Variants in SLC19A1 observed in about 807,000 individuals in gnomAD.
The protein encoded by SLC19A1 is solute carrier family 19 member 1, also known as reduced folate transporter.
SLC19A1 carries 37 observed loss-of-function variants against 35.3 expected under a neutral mutation model. The ratio of observed to expected loss-of-function variants is 1.05; its 90% CI spans 0.81 to 1.38. SLC19A1 has a LOEUF of 1.38. SLC19A1 is among the 40% of genes most tolerant of loss of function. The pLI, the probability that SLC19A1 is intolerant of heterozygous loss-of-function variation, is 0.00. For missense variants in SLC19A1, 831 were observed against 826.9 expected, an observed-to-expected ratio of 1.00 and a Z score of -0.06; for synonymous variants, 460 against 398.5, an observed-to-expected ratio of 1.15 and a Z score of -1.84.
downstream of SLC19A1, chr21:45,510,270 G>C (rs1349645489): frequency 6.3e-7 from 1 of 1,598,200 alleles, no homozygotes; most frequent in South Asian, 1.1e-5. Context: ...AGGTGGGTCA[G>C]TCCAGTCCTG....
chr21:45,537,719 T>TGGGGGGGGCCCCCCCCCC, intron 2 of SLC19A1, 52 bp downstream of exon 2: 5 of 319,776 alleles, frequency 1.6e-5, no homozygotes, highest in Non-Finnish European at 2.8e-5. Flanking sequence ...CAGACGCTGC[T>TGGGGGGGGCCCCCCCCCC]CCCCGCCCAC....
At chr21:45,550,806 C>G (rs2078457921) in intron 1 of SLC19A1, among the ~76,000 whole-genome samples, 1 of 152,124 alleles carries the variant, frequency 6.6e-6, no homozygotes, top group Admixed American at 6.5e-5. Context: ...CCTCCACCTT[C>G]TCAACCTCCC....
In SLC19A1 at chr21:45,517,479, C is replaced by T. The variant is rs1017906137; in HGVS notation, c.1294-1339G>A. Among the ~76,000 whole-genome samples, 15 of 152,030 alleles carry T rather than the reference C, an allele frequency of 9.9e-5. No homozygotes were observed. Among genetic ancestry groups the T allele is most frequent in the African/African-American group, 2.7e-4 (11 of 41,326 alleles). ...TGGTTGGTAAAGACACCCACCCTCA[C>T]CCCCAAGGAGTCAGCAGAGACCACA... On this transcript the variant is annotated intron_variant, in intron 5 of 5. Coordinates refer to ENST00000311124, the MANE Select transcript of SLC19A1 (RefSeq NM_194255.4). The surrounding 1 kb of genome is among the most constrained non-coding windows in gnomAD (Gnocchi z 4.4).
In SLC19A1 at chr21:45,527,236, G is replaced by C. The variant is rs73907588; in HGVS notation, c.1152-1278C>G. Among the ~76,000 whole-genome samples the C allele has an allele frequency of 4.4e-3, 668 of 150,468 alleles. 7 individuals carry two copies. The highest frequency in any genetic ancestry group is 0.015 in the African/African-American group (626 of 40,766). ...GGGCCCTGGAGGTGAGTGGCAATTG[G>C]GGGGGAGGGGGGCCTGGAGGCGGGG... is the stretch of plus-strand genomic sequence containing the variant. On this transcript the variant is annotated intron_variant, in intron 4 of 5. Coordinates refer to ENST00000311124, the MANE Select transcript of SLC19A1 (RefSeq NM_194255.4).
At chr21:45,542,136 C>G (rs1228278680) in intron 1 of SLC19A1, among the ~76,000 whole-genome samples, 3 of 133,788 alleles carry the variant, frequency 2.2e-5, no homozygotes, top group Admixed American at 2.2e-4. Context: ...ACCGCAGACC[C>G]CGGCCCACGC....
chr21:45,534,463 C>G lies in SLC19A1; in HGVS notation c.190-2315G>C. On this transcript the variant is annotated intron_variant, in intron 2 of 5. Coordinates refer to ENST00000311124, the MANE Select transcript of SLC19A1 (RefSeq NM_194255.4). The surrounding 1 kb of genome is among the most constrained non-coding windows in gnomAD (Gnocchi z 4.2). ...AGCCCAGAGTCAAAATGGTAGACAG[C>G]CAGCAGAGAGGCTCTCCCCAGACCC... 8.5e-7 allele frequency: 1 copy of G among 1,177,018 alleles called. No individual in the cohort carries two copies. The highest frequency in any genetic ancestry group is 1.2e-6 in the Non-Finnish European group (1 of 824,802). 72.9% of individuals were successfully genotyped at this position (1,177,018 alleles called of 1,614,324 possible).
chr21:45,529,170 T>C (rs1400935537), intron 4 of SLC19A1, among the ~76,000 whole-genome samples: 1 of 151,922 alleles, frequency 6.6e-6, no homozygotes, highest in Non-Finnish European at 1.5e-5. Flanking sequence ...GCCCCGAGTA[T>C]GGCAGGGGCG....
intron 4 of SLC19A1, among the ~76,000 whole-genome samples, chr21:45,529,774 ATGTGAGTGTGGTGTATCCATC>A (rs2077790542): frequency 6.7e-6 from 1 of 148,488 alleles, no homozygotes; most frequent in African/African-American, 2.5e-5. Context: ...TGGTGTGTTC[ATGTGAGTGTGGTGTATCCATC>A]TGTGAGTGTG....
chr21:45,504,629 C>T (rs1343728022), intron 3 of SLC19A1: 2 of 1,400,346 alleles, frequency 1.4e-6, no homozygotes, highest in Non-Finnish European at 9.8e-7. Flanking sequence ...CAGGTCCAGC[C>T]CGGCCTTCGA....
At position 45,513,479 on chromosome 21, in the gene SLC19A1, G is replaced by C. The variant is rs2037726810; in HGVS notation, c.*2179C>G. On this transcript the variant is annotated 3_prime_UTR_variant, in exon 6 of 6. Transcript: ENST00000311124. The stretch of plus-strand genomic sequence containing the variant: ...ACAGGCCGCCCTGCGGGTGAACAAA[G>C]CAGCCACGAGGTGCAACAAGGTCCT... 1 of 152,258 alleles carries C rather than the reference G, an allele frequency of 6.6e-6. No individual in the cohort carries two copies. The highest frequency in any genetic ancestry group is 2.4e-5 in the African/African-American group (1 of 41,460). 9.4% of individuals were successfully genotyped at this position (152,258 alleles called of 1,614,324 possible).
intron 3 of SLC19A1, chr21:45,506,976 GCAC>G: frequency 3.7e-6 from 1 of 272,282 alleles, no homozygotes; most frequent in South Asian, 3.6e-5. Context: ...GTGCTTGTAG[GCAC>G]CCGGATGCAG....
chr21:45,559,767 G>A (rs1056346484), intron 1 of SLC19A1, among the ~76,000 whole-genome samples: 3 of 152,194 alleles, frequency 2.0e-5, no homozygotes, highest in Non-Finnish European at 4.4e-5. Context: ...ATTCAAATGC[G>A]CATCATTCCC....
chr21:45,544,667 C>G (rs983070010), upstream of SLC19A1, among the ~76,000 whole-genome samples: 1 of 152,168 alleles, frequency 6.6e-6, no homozygotes, highest in African/African-American at 2.4e-5. Context: ...AGGGGCCCAG[C>G]AGTGTGGATC....
downstream of SLC19A1, among the ~76,000 whole-genome samples, chr21:45,508,040 C>T (rs150908828): frequency 2.4e-3 from 319 of 134,476 alleles, 2 homozygotes; most frequent in African/African-American, 3.3e-3. Context: ...TGAGTGGATA[C>T]GTAGGTAGAT....
chr21:45,502,643 G>T (rs2036927124), intron 3 of SLC19A1: 1 of 152,206 alleles, frequency 6.6e-6, no homozygotes, highest in Non-Finnish European at 1.5e-5. Context: ...AGGAAAAGGA[G>T]AGAAGCAGCA....
chr21:45,525,559 C>A (rs543735259), intron 5 of SLC19A1, among the ~76,000 whole-genome samples: 4 of 152,370 alleles, frequency 2.6e-5, no homozygotes, highest in South Asian at 4.1e-4. Flanking sequence ...ACAGCTCCGC[C>A]GTGGCGAGCA....
At chr21:45,548,608 G>A (rs1265418314), upstream of SLC19A1, among the ~76,000 whole-genome samples, 1 of 152,124 alleles carries the variant, frequency 6.6e-6, no homozygotes, top group Non-Finnish European at 1.5e-5. Flanking sequence ...GGCTGGTGTG[G>A]TGGCGGGTGC....
intron 1 of SLC19A1, among the ~76,000 whole-genome samples, chr21:45,561,542 C>T (rs558280853): frequency 9.9e-5 from 15 of 152,098 alleles, no homozygotes; most frequent in Admixed American, 5.9e-4. Context: ...GGGCAGATCA[C>T]CTGAGGTTAG....
upstream of SLC19A1, chr21:45,543,986 G>A (rs2078383001): frequency 6.6e-6 from 1 of 152,522 alleles, no homozygotes; most frequent in South Asian, 2.1e-4. Context: ...AGGCCAGGAA[G>A]CCGAGGGGAA....
Sources: allele counts gnomAD v4.1 joint callset (sites outside exome capture counted in the v4.1 genomes callset), GRCh38; gene constraint gnomAD v4.1.1; non-coding constraint Gnocchi (gnomAD v3.1); transcripts MANE v1.5; gene names NCBI Gene and HGNC (gene_info 2026-07-23, HGNC 2026-07-21).